The following MYOM2 variants were observed in gnomAD, a reference collection of about 807,000 sequenced individuals.
The protein encoded by MYOM2 is myomesin-2.
In MYOM2, 254 loss-of-function variants were observed where a neutral mutation model predicts 187.6. The ratio of observed to expected loss-of-function variants is 1.35; its 90% CI spans 1.22 to 1.50. The LOEUF (loss-of-function observed/expected upper bound fraction) is 1.50. Ranked by LOEUF, MYOM2 falls within the 40% of genes most tolerant of loss-of-function variation. The pLI, the probability that MYOM2 is intolerant of heterozygous loss-of-function variation, is 0.00. For missense variants in MYOM2, 2,796 were observed against 1,924.0 expected, an observed-to-expected ratio of 1.45 and a Z score of -8.48; for synonymous variants, 981 against 753.8, an observed-to-expected ratio of 1.30 and a Z score of -4.94.
chr8:2,081,311 C>T (rs76614349), intron 13 of MYOM2, among the ~76,000 whole-genome samples: 4 of 126,990 alleles, frequency 3.1e-5, no homozygotes, highest in Admixed American at 7.9e-5. Context: ...CCAGCCCGTG[C>T]AGAATGAGGT....
At position 2,079,605 on chromosome 8, in the gene MYOM2, A is replaced by T. The variant is rs766597056; in HGVS notation, c.1508A>T (p.Asp503Val). 1 of 1,614,078 alleles carries T rather than the reference A, an allele frequency of 6.2e-7. No homozygotes were observed. Among genetic ancestry groups the T allele is most frequent in the Non-Finnish European group, 8.5e-7 (1 of 1,179,998 alleles). The part of the protein sequence containing the change: ...GEKEIAIYQD[D>V]LEGDAQVPGP... ...AAGGAGATTGCCATTTATCAGGATG[A>T]CCTTGAAGGTAAGTAGCACCTCATC... Residue 503 changes from aspartate (D) to valine (V), a missense_variant, in exon 13 of 37, where the codon GAC becomes GTC. By Grantham distance (152) the Asp-to-Val change is radical. Coordinates refer to ENST00000262113, the MANE Select transcript of MYOM2 (RefSeq NM_003970.4).
At chr8:2,126,788 GCTGGGGGAGCA>G (rs56933860) in intron 31 of MYOM2, among the ~76,000 whole-genome samples, 23,208 of 96,598 alleles carry the variant, frequency 0.24, 4,531 homozygotes, top group Non-Finnish European at 0.32. Flanking sequence ...GCTGATGGAG[GCTGGGGGAGCA>G]CTGGGGGAGG....
intron 17 of MYOM2, among the ~76,000 whole-genome samples, chr8:2,095,322 C>T (rs951509348): frequency 2.7e-5 from 4 of 146,864 alleles, no homozygotes; most frequent in Admixed American, 1.4e-4. Context: ...CGTAGAGTCT[C>T]GCTCTGTTGC....
In MYOM2 at chr8:2,050,781, T is replaced by A. The variant is rs1818456032; in HGVS notation, c.15T>A (p.Thr5=). 6.2e-7 allele frequency: 1 copy of A among 1,612,438 alleles called. No homozygotes were observed. The part of the protein sequence containing the change: MSLV[T]VPFYQKRHRH... ...AGCACGCCAAGATGTCCCTTGTGACTGTCCCCTTCTACCAGAAGAGACATA... is the reference window on the plus strand; with the variant it reads ...AGCACGCCAAGATGTCCCTTGTGACAGTCCCCTTCTACCAGAAGAGACATA... Residue 5 remains threonine (T), a synonymous_variant, in exon 2 of 37, where the codon ACT becomes ACA. Transcript: ENST00000262113.
At chr8:2,054,208 C>G (rs1246511922) in intron 3 of MYOM2, among the ~76,000 whole-genome samples, 1 of 152,164 alleles carries the variant, frequency 6.6e-6, no homozygotes, top group Non-Finnish European at 1.5e-5. Flanking sequence ...AAATTGTGGG[C>G]TCACTGATGT....
At chr8:2,110,862 G>T (rs989545424) in intron 25 of MYOM2, among the ~76,000 whole-genome samples, 7 of 152,236 alleles carry the variant, frequency 4.6e-5, no homozygotes, top group African/African-American at 7.2e-5. Flanking sequence ...AAGGATCATA[G>T]AATTTTCTTC....
chr8:2,144,526 A>T (rs983588142), intron 36 of MYOM2, 138 bp from the exon 37 acceptor site: 2 of 877,522 alleles, frequency 2.3e-6, no homozygotes, highest in Non-Finnish European at 3.6e-6. Context: ...GCTCATGTAC[A>T]TAAAGGCTTG....
intron 10 of MYOM2, among the ~76,000 whole-genome samples, chr8:2,075,729 C>G (rs1169131095): frequency 6.6e-6 from 1 of 152,178 alleles, no homozygotes; most frequent in Non-Finnish European, 1.5e-5. Flanking sequence ...GTAAATCGCC[C>G]AATTTCCTAA....
At chr8:2,103,828 G>A (rs1314019247) in intron 21 of MYOM2, among the ~76,000 whole-genome samples, 2 of 151,958 alleles carry the variant, frequency 1.3e-5, no homozygotes, top group African/African-American at 4.8e-5. Flanking sequence ...GTGGGAGAGT[G>A]TGCATATATT....
At chr8:2,057,823 G>C in intron 5 of MYOM2, 43 bp downstream of exon 5, 2 of 1,592,508 alleles carry the variant, frequency 1.3e-6, no homozygotes, top group Non-Finnish European at 1.7e-6. Flanking sequence ...TCCATTCTGC[G>C]TTTTCTTTCA....
In MYOM2 at chr8:2,107,602, G is replaced by A. The variant is rs538930108; in HGVS notation, c.2998+1005G>A. Among the ~76,000 whole-genome samples, 6 of 152,228 alleles carry A rather than the reference G, an allele frequency of 3.9e-5. No homozygotes were observed. The South Asian group carries it at 1.0e-3, about 26-fold the overall frequency. On this transcript the variant is annotated intron_variant, in intron 23 of 36. Transcript: ENST00000262113. ...CTCGAGTGTGCAGGTTTGGCTCAAT[G>A]TTGGTGAAATTCAGGAAAACTCATG...
At chr8:2,123,740 A>G in intron 30 of MYOM2, 98 bp downstream of exon 30, 5 of 1,014,762 alleles carry the variant, frequency 4.9e-6, no homozygotes, top group Non-Finnish European at 7.6e-6. Context: ...CCTCAGCTAT[A>G]GCACACATTG....
rs1796643045 is a variant in MYOM2, at chr8:2,100,101, CTTCCTTCTTTCTTTCCTTCCTTCCTTCT to C, written c.2441-767_2441-740del. 9.0e-4 allele frequency among the ~76,000 whole-genome samples: 86 copies of C among 95,228 alleles called. 1 individual carries two copies. Among genetic ancestry groups the C allele is most frequent in the Non-Finnish European group, 1.3e-3 (60 of 46,724 alleles). The allele number at this position is 95,228 out of a possible 152,430, so 62.5% of individuals were successfully genotyped here. On this transcript the variant is annotated intron_variant, in intron 19 of 36. Coordinates refer to ENST00000262113, the MANE Select transcript of MYOM2 (RefSeq NM_003970.4). The stretch of plus-strand genomic sequence containing the variant: ...CCTTTCTTCTTTCCTTCCTTCCTTC[CTTCCTTCTTTCTTTCCTTCCTTCCTTCT>C]TTCCTTCCTTCCTTCCTTCCTTCCT...
At chr8:2,078,121 A>G (rs1198874996) in intron 11 of MYOM2, among the ~76,000 whole-genome samples, 3 of 152,238 alleles carry the variant, frequency 2.0e-5, no homozygotes, top group Non-Finnish European at 4.4e-5. Flanking sequence ...TGTGAAAAAC[A>G]GAGGTTAATC....
At chr8:2,073,274 C>T in intron 9 of MYOM2, 65 bp from the exon 10 acceptor site, 13 of 1,546,598 alleles carry the variant, frequency 8.4e-6, no homozygotes, top group Non-Finnish European at 1.1e-5. Context: ...GCTGGTGTCC[C>T]CGAGGCTTTC....
intron 6 of MYOM2, among the ~76,000 whole-genome samples, chr8:2,061,873 G>A (rs1462707606): frequency 2.6e-5 from 4 of 152,320 alleles, no homozygotes; most frequent in African/African-American, 7.2e-5. Context: ...TGTTCGAGAG[G>A]CTTCAGGGGC....
At chr8:2,138,834 G>A (rs954124382) in intron 32 of MYOM2, among the ~76,000 whole-genome samples, 5 of 152,248 alleles carry the variant, frequency 3.3e-5, no homozygotes, top group African/African-American at 7.2e-5. Flanking sequence ...TCAGGGTGAA[G>A]CCAATCCCAC....
At chr8:2,119,710 T>C (rs1196886629) in intron 28 of MYOM2, among the ~76,000 whole-genome samples, 4 of 152,078 alleles carry the variant, frequency 2.6e-5, no homozygotes, top group Non-Finnish European at 5.9e-5. Flanking sequence ...CGCTCAATCC[T>C]ATTTATAGGC....
intron 35 of MYOM2, 128 bp downstream of exon 35, chr8:2,142,525 G>A (rs961542843): frequency 2.1e-5 from 19 of 889,768 alleles, no homozygotes; most frequent in Admixed American, 1.4e-4. Context: ...ATGTAACAAC[G>A]CCACCAACAC....
Sources: gnomAD v4.1 joint callset for allele counts (sites outside exome capture counted in the v4.1 genomes callset) on GRCh38, gnomAD v4.1.1 for gene constraint, MANE v1.5 for transcripts, NCBI Gene and HGNC (gene_info 2026-07-23, HGNC 2026-07-21) for gene names.